The following SMYD3 variants were observed in gnomAD, a reference collection of about 807,000 sequenced individuals.
The protein encoded by SMYD3 is histone-lysine N-methyltransferase SMYD3.
Under a neutral mutation model 57.7 loss-of-function variants are expected in SMYD3, and 36 were observed. The ratio of observed to expected loss-of-function variants is 0.62; its 90% CI spans 0.48 to 0.82. SMYD3 has a LOEUF of 0.82. SMYD3 is among the 40% of genes least tolerant of loss of function. SMYD3 has a pLI of 0.00. For missense variants in SMYD3, 515 were observed against 538.8 expected (o/e 0.96, Z 0.44); for synonymous variants, 211 against 195.0 (o/e 1.08, Z -0.68).
At chr1:245,998,293 T>C (rs1572865972) in intron 5 of SMYD3, among the ~76,000 whole-genome samples, 1 of 152,314 alleles carries the variant, frequency 6.6e-6, no homozygotes, top group Admixed American at 6.5e-5. Context: ...GAAACTTCAT[T>C]TTCTGAGCTC....
intron 5 of SMYD3, among the ~76,000 whole-genome samples, chr1:245,998,703 C>T (rs779474756): frequency 2.0e-5 from 3 of 152,082 alleles, no homozygotes; most frequent in African/African-American, 4.8e-5. Context: ...CAGATACTTG[C>T]CCACCAATGT....
Position 246,202,726 on chromosome 1 carries a change from G to T in SMYD3, c.531+124475C>A, listed in dbSNP as rs1451119379. 6.6e-6 allele frequency among the ~76,000 whole-genome samples: 1 copy of T among 152,206 alleles called. No homozygotes were observed. The highest frequency in any genetic ancestry group is 2.4e-5 in the African/African-American group (1 of 41,434). The stretch of plus-strand genomic sequence containing the variant: ...AATCCTTTTCCATTCAATACATTAT[G>T]ATACCTGCTTATGCATAAGCCTAAA... On this transcript the variant is annotated intron_variant, in intron 5 of 11. Transcript: ENST00000490107. The surrounding 1 kb of genome is among the most constrained non-coding windows in gnomAD (Gnocchi z 4.1).
Position 245,764,073 on chromosome 1 carries a change from T to C in SMYD3, c.1153A>G (p.Met385Val), listed in dbSNP as rs753589371. The change falls in exon 11 of 12, where the codon ATG becomes GTG. Residue 385 changes from methionine (M) to valine (V), a missense_variant. Physicochemically the swap from Met to Val is conservative, Grantham distance 21. Coordinates refer to ENST00000490107, the MANE Select transcript of SMYD3 (RefSeq NM_001167740.2). ...AGATTCTTCATTGCTTGGGGAAACA[T>C]GCCTTGATGTAGCTGCAGTTTGCCA... Reference protein sequence around the residue: ...KVGKLQLHQGMFPQAMKNLRL... With the variant: ...KVGKLQLHQGVFPQAMKNLRL... 1 of 1,614,012 alleles carries C rather than the reference T, an allele frequency of 6.2e-7. No homozygotes were observed. The highest frequency in any genetic ancestry group is 1.1e-5 in the South Asian group (1 of 91,076).
At chr1:246,333,274 T>C (rs2065489520) in intron 3 of SMYD3, among the ~76,000 whole-genome samples, 1 of 152,144 alleles carries the variant, frequency 6.6e-6, no homozygotes, top group South Asian at 2.1e-4. Flanking sequence ...AGTGTAGATG[T>C]GATAGCAAGA....
chr1:246,022,612 A>C (rs2059492169), intron 5 of SMYD3, among the ~76,000 whole-genome samples: 1 of 152,246 alleles, frequency 6.6e-6, no homozygotes, highest in African/African-American at 2.4e-5. Flanking sequence ...ACATTTTAAA[A>C]AGATAGGGCT....
intron 5 of SMYD3, among the ~76,000 whole-genome samples, chr1:246,304,682 C>T (rs542035613): frequency 6.8e-4 from 104 of 152,162 alleles, no homozygotes; most frequent in Non-Finnish European, 1.1e-3. Context: ...GCCACACAGT[C>T]ACCATTATCT....
At chr1:246,259,245 G>T (rs1472788383) in intron 5 of SMYD3, among the ~76,000 whole-genome samples, 1 of 152,192 alleles carries the variant, frequency 6.6e-6, no homozygotes, top group African/African-American at 2.4e-5. Flanking sequence ...TTTCTGGAAA[G>T]CTTGTGCAAT....
At chr1:245,947,021 G>C (rs560011720) in intron 5 of SMYD3, among the ~76,000 whole-genome samples, 1 of 152,292 alleles carries the variant, frequency 6.6e-6, no homozygotes, top group East Asian at 1.9e-4. Flanking sequence ...AAACAAATGA[G>C]TCTGCTGCTC....
At chr1:245,911,914 G>A (rs1436183951) in intron 8 of SMYD3, among the ~76,000 whole-genome samples, 1 of 152,038 alleles carries the variant, frequency 6.6e-6, no homozygotes, top group Non-Finnish European at 1.5e-5. Flanking sequence ...AAATTTTTGA[G>A]GAGATGGATC....
chr1:246,117,534 C>G (rs571999015), intron 5 of SMYD3, among the ~76,000 whole-genome samples: 163 of 152,302 alleles, frequency 1.1e-3, no homozygotes, highest in African/African-American at 3.7e-3. Context: ...TTTCTGAAAT[C>G]TGATCCAGGT....
chr1:246,447,747 C>A (rs1248822230), intron 1 of SMYD3, among the ~76,000 whole-genome samples: 2 of 152,174 alleles, frequency 1.3e-5, no homozygotes. Flanking sequence ...TAGAAGCAGC[C>A]CCATCTCCTC....
At chr1:246,031,558 AAACCCCATCTCT>A (rs2059674240) in intron 5 of SMYD3, among the ~76,000 whole-genome samples, 1 of 152,104 alleles carries the variant, frequency 6.6e-6, no homozygotes, top group Non-Finnish European at 1.5e-5. Flanking sequence ...TAACGTGGTG[AAACCCCATCTCT>A]ACTAAAAATA....
intron 5 of SMYD3, among the ~76,000 whole-genome samples, chr1:246,316,766 C>T (rs147416910): frequency 4.7e-5 from 7 of 149,758 alleles, no homozygotes; most frequent in Non-Finnish European, 1.0e-4. Flanking sequence ...GAGGCCGAGG[C>T]GAGCGGATCA....
chr1:246,397,413 T>C (rs1057339397), intron 1 of SMYD3, among the ~76,000 whole-genome samples: 5 of 152,174 alleles, frequency 3.3e-5, no homozygotes, highest in African/African-American at 1.2e-4. Context: ...ATTAGCTCTG[T>C]GACCTTCTTA....
At chr1:246,063,638 C>T (rs2148360843) in intron 5 of SMYD3, among the ~76,000 whole-genome samples, 1 of 149,112 alleles carries the variant, frequency 6.7e-6, no homozygotes, top group African/African-American at 2.5e-5. Flanking sequence ...TCCCTCTCTC[C>T]CTCCCTTTCT....
At chr1:245,793,053 G>A (rs542641245) in intron 10 of SMYD3, among the ~76,000 whole-genome samples, 28 of 140,476 alleles carry the variant, frequency 2.0e-4, no homozygotes, top group African/African-American at 7.4e-4. Flanking sequence ...GCTCATGCCT[G>A]TAATCCCAGC....
At chr1:246,215,783 G>T (rs2063154750) in intron 5 of SMYD3, among the ~76,000 whole-genome samples, 3 of 151,996 alleles carry the variant, frequency 2.0e-5, no homozygotes, top group Admixed American at 2.0e-4. Flanking sequence ...GAAGCCCTGG[G>T]GTGTAATCCT....
intron 5 of SMYD3, among the ~76,000 whole-genome samples, chr1:245,939,654 AC>A (rs1233910966): frequency 5.7e-5 from 8 of 140,018 alleles, no homozygotes; most frequent in Non-Finnish European, 1.1e-4. Context: ...AAATAGCCAA[AC>A]CCTGGCCTAG....
At chr1:245,774,872 C>T (rs543156620) in intron 10 of SMYD3, among the ~76,000 whole-genome samples, 1 of 152,296 alleles carries the variant, frequency 6.6e-6, no homozygotes, top group East Asian at 1.9e-4. Flanking sequence ...GACGGGTTTT[C>T]GTATTTTTTT....
Sources: allele counts gnomAD v4.1 joint callset (sites outside exome capture counted in the v4.1 genomes callset), GRCh38; gene constraint gnomAD v4.1.1; non-coding constraint Gnocchi (gnomAD v3.1); transcripts MANE v1.5; gene names NCBI Gene and HGNC (gene_info 2026-07-23, HGNC 2026-07-21).